RBM20: variants seen among roughly 807,000 people sequenced by gnomAD.
RBM20 encodes RNA binding motif protein 20, also known as RNA-binding protein 20.
RBM20 carries 51 observed loss-of-function variants against 110.1 expected under a neutral mutation model. That is an observed-to-expected ratio of 0.46 (90% CI 0.37 to 0.59). The LOEUF (loss-of-function observed/expected upper bound fraction) is 0.59. Among genes scored for constraint, RBM20 ranks in the 20% least tolerant of loss-of-function variants. The pLI is 0.00. For missense variants in RBM20, 1,512 were observed against 1,574.9 expected (o/e 0.96, Z 0.68); for synonymous variants, 589 against 618.2 (o/e 0.95, Z 0.70).
chr10:110,800,036 T>C (rs1053040200), intron 7 of RBM20, 118 bp downstream of exon 7: 3 of 968,306 alleles, frequency 3.1e-6, no homozygotes, highest in Non-Finnish European at 4.6e-6. Context: ...ATTCAGAAAT[T>C]ACACACTGCC....
At chr10:110,769,091 A>G (rs117823654) in intron 1 of RBM20, among the ~76,000 whole-genome samples, 16 of 152,284 alleles carry the variant, frequency 1.1e-4, no homozygotes, top group African/African-American at 2.4e-4. Flanking sequence ...TTGCTGCACA[A>G]TTGTTCTCCT....
At chr10:110,799,244 G>T (rs2135077274) in intron 6 of RBM20, among the ~76,000 whole-genome samples, 1 of 152,264 alleles carries the variant, frequency 6.6e-6, no homozygotes, top group African/African-American at 2.4e-5. Flanking sequence ...TGCCCCTCCA[G>T]GGAAATGTGG....
intron 9 of RBM20, among the ~76,000 whole-genome samples, chr10:110,816,504 C>T (rs1263800184): frequency 6.6e-6 from 1 of 152,086 alleles, no homozygotes; most frequent in Admixed American, 6.5e-5. Context: ...ATTCCTCTCC[C>T]TCGCACCGCT....
intron 1 of RBM20, among the ~76,000 whole-genome samples, chr10:110,693,041 T>C (rs561009754): frequency 4.4e-4 from 67 of 151,894 alleles, no homozygotes; most frequent in African/African-American, 1.5e-3. Context: ...CCTTTTTATT[T>C]TGTTAATGTG....
chr10:110,828,994 C>G (rs1845015840), intron 12 of RBM20, among the ~76,000 whole-genome samples: 1 of 152,188 alleles, frequency 6.6e-6, no homozygotes, highest in South Asian at 2.1e-4. Context: ...ATCTGTACCC[C>G]TTCTGGGGAT....
intron 1 of RBM20, among the ~76,000 whole-genome samples, chr10:110,677,825 A>G (rs561557651): frequency 6.6e-6 from 1 of 152,358 alleles, no homozygotes; most frequent in South Asian, 2.1e-4. Flanking sequence ...CTCTAAAAAT[A>G]ATGATACCAA....
intron 7 of RBM20, among the ~76,000 whole-genome samples, chr10:110,802,729 G>A (rs1325449859): frequency 6.6e-6 from 1 of 152,216 alleles, no homozygotes; most frequent in Non-Finnish European, 1.5e-5. Flanking sequence ...AGTGCTCACC[G>A]TGGGTGGAAC....
Position 110,730,047 on chromosome 10 carries a change from A to G in RBM20, c.192-50754A>G, listed in dbSNP as rs137892272. Among the ~76,000 whole-genome samples, 616 of 152,100 alleles carry G rather than the reference A, an allele frequency of 4.0e-3. 4 individuals carry two copies. The highest frequency in any genetic ancestry group is 0.014 in the African/African-American group (586 of 41,490). The stretch of plus-strand genomic sequence containing the variant: ...TGGTTAGGCTGGTCTCAAACTCCCA[A>G]CCTCAGGTGATCCACCCGCCTTGAC... On this transcript the variant is annotated intron_variant, in intron 1 of 13. Transcript: ENST00000369519.
chr10:110,774,015 C>T (rs1327097898), intron 1 of RBM20, among the ~76,000 whole-genome samples: 3 of 152,172 alleles, frequency 2.0e-5, no homozygotes, highest in South Asian at 2.1e-4. Flanking sequence ...CTTTAATGAA[C>T]GTGTAAACAG....
rs12254977 is a variant in RBM20, at chr10:110,806,039, G to A, written c.1801-4344G>A. On this transcript the variant is annotated intron_variant, in intron 7 of 13. Transcript: ENST00000369519. ...TGTAATCCCAGCACTTTGGGAGGCC[G>A]AGGTGGGCGGATCACTTGAGGTCAG... Among the ~76,000 whole-genome samples the A allele has an allele frequency of 8.5e-3, 1,287 of 152,294 alleles. 23 individuals carry two copies. The highest frequency in any genetic ancestry group is 0.029 in the African/African-American group (1,225 of 41,554).
At chr10:110,735,890 A>G (rs1022132661) in intron 1 of RBM20, among the ~76,000 whole-genome samples, 58 of 152,354 alleles carry the variant, frequency 3.8e-4, no homozygotes, top group African/African-American at 1.3e-3. Flanking sequence ...TGGCTAGATT[A>G]GTGAACATTC....
intron 7 of RBM20, among the ~76,000 whole-genome samples, chr10:110,807,464 C>G (rs187314184): frequency 7.9e-5 from 12 of 152,352 alleles, no homozygotes; most frequent in Non-Finnish European, 1.8e-4. Flanking sequence ...TCAGCCCGCT[C>G]TGCCCCTCAC....
At chr10:110,766,111 TA>T (rs142405867) in intron 1 of RBM20, among the ~76,000 whole-genome samples, 1 of 151,992 alleles carries the variant, frequency 6.6e-6, no homozygotes, top group South Asian at 2.1e-4. Context: ...CAGTTTCAAG[TA>T]AAAAAAATCA....
At chr10:110,685,729 T>G (rs927571956) in intron 1 of RBM20, among the ~76,000 whole-genome samples, 5 of 151,028 alleles carry the variant, frequency 3.3e-5, no homozygotes, top group Non-Finnish European at 1.5e-5. Context: ...AGGTTGGAAT[T>G]GAGGTAGCCT....
chr10:110,830,398 G>T (rs182888996), intron 12 of RBM20, among the ~76,000 whole-genome samples: 26 of 152,284 alleles, frequency 1.7e-4, no homozygotes, highest in Admixed American at 1.6e-3. Flanking sequence ...GCTAATTGAT[G>T]GTTCGGATGT....
At chr10:110,652,598 G>A (rs981579975) in intron 1 of RBM20, among the ~76,000 whole-genome samples, 6 of 152,140 alleles carry the variant, frequency 3.9e-5, no homozygotes, top group Non-Finnish European at 8.8e-5. Context: ...TTACATTTTA[G>A]TCCTGGAAGG....
rs376553466 is a variant in RBM20, at chr10:110,798,874, CA to C, written c.1669-907del. ...CAGTATAGTACAAACCAAACAAATC[CA>C]AAAAACAATAGCAGCAACAAATTCA... On this transcript the variant is annotated intron_variant, in intron 6 of 13. Coordinates refer to ENST00000369519, the MANE Select transcript of RBM20 (RefSeq NM_001134363.3). Among the ~76,000 whole-genome samples, 461 of 152,138 alleles carry C rather than the reference CA, an allele frequency of 3.0e-3. 3 individuals carry two copies. The highest frequency in any genetic ancestry group is 4.2e-3 in the Non-Finnish European group (286 of 67,980).
At chr10:110,760,008 G>T (rs1843974448) in intron 1 of RBM20, among the ~76,000 whole-genome samples, 2 of 152,152 alleles carry the variant, frequency 1.3e-5, no homozygotes, top group Non-Finnish European at 2.9e-5. Context: ...GGTGGTGGGG[G>T]GCACAGGGGA....
chr10:110,719,412 G>T (rs1282586640), intron 1 of RBM20, among the ~76,000 whole-genome samples: 1 of 152,204 alleles, frequency 6.6e-6, no homozygotes, highest in East Asian at 1.9e-4. Context: ...ATGTGATTGT[G>T]TGTCCTTCTT....
Sources: allele counts gnomAD v4.1 joint callset (sites outside exome capture counted in the v4.1 genomes callset), GRCh38; gene constraint gnomAD v4.1.1; transcripts MANE v1.5; gene names NCBI Gene and HGNC (gene_info 2026-07-23, HGNC 2026-07-21).